The following SLC2A9 variants were observed in gnomAD, a reference collection of about 807,000 sequenced individuals.
SLC2A9 encodes the protein solute carrier family 2 member 9, also known as solute carrier family 2, facilitated glucose transporter member 9.
A neutral mutation model predicts 50.6 loss-of-function variants in SLC2A9; 39 were observed. The observed-to-expected ratio is 0.77, with a 90% CI of 0.60 to 1.01. SLC2A9 has a LOEUF of 1.01. Ranked by LOEUF, SLC2A9 falls within the 50% of genes least tolerant of loss-of-function variation. The pLI is 0.00. For synonymous variants in SLC2A9, 324 were observed against 276.9 expected, an observed-to-expected ratio of 1.17 and a Z score of -1.69; for missense variants, 686 against 677.6, an observed-to-expected ratio of 1.01 and a Z score of -0.14.
chr4:9,834,343 T>C (rs1262776350), intron 11 of SLC2A9, among the ~76,000 whole-genome samples: 1 of 152,138 alleles, frequency 6.6e-6, no homozygotes, highest in Non-Finnish European at 1.5e-5. Flanking sequence ...TCAACATATA[T>C]ATGTGTTGAA....
chr4:10,014,758 G>T (rs1056983789), intron 2 of SLC2A9, among the ~76,000 whole-genome samples: 2 of 152,190 alleles, frequency 1.3e-5, no homozygotes, highest in Non-Finnish European at 2.9e-5. Flanking sequence ...GCACCTCGAG[G>T]ACATGGATGT....
At chr4:9,827,746 G>T (rs1386744472) in intron 11 of SLC2A9, among the ~76,000 whole-genome samples, 1 of 152,198 alleles carries the variant, frequency 6.6e-6, no homozygotes, top group African/African-American at 2.4e-5. Context: ...ACCTGGGGGT[G>T]CTTAGCTCTT....
intron 3 of SLC2A9, among the ~76,000 whole-genome samples, chr4:9,784,164 C>A (rs191110325): frequency 6.6e-6 from 1 of 152,186 alleles, no homozygotes; most frequent in Non-Finnish European, 1.5e-5. Context: ...TACACCAGGG[C>A]AAAGGACCTT....
intron 5 of SLC2A9, among the ~76,000 whole-genome samples, chr4:9,954,679 C>T (rs1488873916): frequency 6.6e-6 from 1 of 152,116 alleles, no homozygotes; most frequent in Admixed American, 6.5e-5. Context: ...CCAGACAAGA[C>T]CTGCTTCCTG....
chr4:9,789,000 AG>A (rs1162317158), intron 3 of SLC2A9, among the ~76,000 whole-genome samples: 1 of 152,194 alleles, frequency 6.6e-6, no homozygotes, highest in East Asian at 1.9e-4. Flanking sequence ...TTAAAAGAAG[AG>A]CTGGGAAATG....
intron 1 of SLC2A9, among the ~76,000 whole-genome samples, chr4:10,033,306 C>G (rs938674928): frequency 2.0e-5 from 3 of 152,122 alleles, no homozygotes; most frequent in African/African-American, 7.2e-5. Flanking sequence ...CTTCCTGTCT[C>G]CATTGGAGGC....
Position 9,792,163 on chromosome 4 carries a change from CTT to C in SLC2A9, n.386-12100_386-12099del, listed in dbSNP as rs34289788. 9.6e-3 allele frequency among the ~76,000 whole-genome samples: 738 copies of C among 77,232 alleles called. 4 individuals are homozygous for C. The highest frequency in any genetic ancestry group is 0.034 in the African/African-American group (681 of 20,270). 50.7% of individuals were successfully genotyped at this position (77,232 alleles called of 152,430 possible). On this transcript the variant is annotated intron_variant and non_coding_transcript_variant, in intron 3 of 3. Coordinates refer to the SLC2A9 transcript ENST00000503803. ...AGGAGATGTTTTCTATTCTATGTTTCTTTTTTTTTTTTTTTTTTTTTTTGTGG... is the reference window on the plus strand; with the variant it reads ...AGGAGATGTTTTCTATTCTATGTTTCTTTTTTTTTTTTTTTTTTTTTGTGG...
At chr4:9,928,393 T>A (rs1400899781) in intron 6 of SLC2A9, among the ~76,000 whole-genome samples, 1 of 152,246 alleles carries the variant, frequency 6.6e-6, no homozygotes, top group Non-Finnish European at 1.5e-5. Context: ...GTGTCTGTCA[T>A]GTGGTTTGGT....
At chr4:9,811,418 CTCTCCTTTCTAACACTGCTGCTTTG>C (rs1302730026) in intron 3 of SLC2A9, among the ~76,000 whole-genome samples, 1 of 152,236 alleles carries the variant, frequency 6.6e-6, no homozygotes, top group Non-Finnish European at 1.5e-5. Context: ...TCTATTCCTG[CTCTCCTTTCTAACACTGCTGCTTTG>C]TCAGAAGTCA....
chr4:9,884,794 A>G (rs560438084), intron 10 of SLC2A9, among the ~76,000 whole-genome samples: 1 of 152,326 alleles, frequency 6.6e-6, no homozygotes, highest in South Asian at 2.1e-4. Context: ...GATAGACTGG[A>G]TAAAGAAAAT....
intron 3 of SLC2A9, 152 bp from the exon 4 acceptor site, chr4:9,985,945 C>T: frequency 5.5e-6 from 6 of 1,086,042 alleles, no homozygotes; most frequent in Non-Finnish European, 8.2e-6. Flanking sequence ...CCACCTCTGG[C>T]TGTGTGACTG....
intron 6 of SLC2A9, among the ~76,000 whole-genome samples, chr4:9,925,343 T>G (rs13129697): frequency 0.39 from 59,600 of 152,050 alleles, 13,167 homozygotes; most frequent in African/African-American, 0.58. Flanking sequence ...GTCTCTCTTG[T>G]GCACTTTCAC....
At position 9,834,984 on chromosome 4, in the gene SLC2A9, C is replaced by T. The variant is rs1021974672; in HGVS notation, c.1316G>A (p.Gly439Asp). 1.9e-6 allele frequency: 3 copies of T among 1,613,738 alleles called. No individual in the cohort carries two copies. The highest frequency in any genetic ancestry group is 3.5e-4 in the Middle Eastern group (2 of 5,782). Reference sequence around the variant, plus strand: ...CCGCTGAGATTGCTGGAAGAACTCACCAGTCAAGATGAACGGGATGCCACC... The same window carrying T: ...CCGCTGAGATTGCTGGAAGAACTCATCAGTCAAGATGAACGGGATGCCACC... ...GPGGIPFILT[G>D]EFFQQSQRPA... Residue 439 changes from glycine (G) to aspartate (D), a missense_variant, in exon 11 of 12, where the codon GGT (glycine) becomes GAT (aspartate). Coordinates refer to ENST00000264784, the MANE Select transcript of SLC2A9 (RefSeq NM_020041.3).
At chr4:9,864,132 G>T (rs1732075958) in intron 10 of SLC2A9, among the ~76,000 whole-genome samples, 1 of 152,014 alleles carries the variant, frequency 6.6e-6, no homozygotes, top group African/African-American at 2.4e-5. Flanking sequence ...GGACTTGTCT[G>T]CCCCTTTCTT....
downstream of SLC2A9, among the ~76,000 whole-genome samples, chr4:9,776,247 G>T (rs1008313276): frequency 1.1e-4 from 17 of 149,336 alleles, no homozygotes; most frequent in Admixed American, 4.0e-4. Flanking sequence ...ACACCCAAAA[G>T]CACAATAATT....
intron 3 of SLC2A9, among the ~76,000 whole-genome samples, chr4:9,800,100 G>A (rs536694672): frequency 2.6e-5 from 4 of 152,146 alleles, no homozygotes; most frequent in Non-Finnish European, 5.9e-5. Flanking sequence ...AGAGGGTCCA[G>A]GACTTCTGGA....
At chr4:10,030,667 C>T (rs894820500) in intron 1 of SLC2A9, among the ~76,000 whole-genome samples, 5 of 152,274 alleles carry the variant, frequency 3.3e-5, no homozygotes, top group Middle Eastern at 3.4e-3. Context: ...AAAACAAAAA[C>T]GTGCTCATCC....
chr4:9,901,090 C>G (rs774920228), intron 8 of SLC2A9, among the ~76,000 whole-genome samples: 9 of 152,174 alleles, frequency 5.9e-5, no homozygotes, highest in Non-Finnish European at 1.3e-4. Flanking sequence ...GCCATTTAGC[C>G]TGAGTTTTAA....
At chr4:9,791,618 G>A (rs1013054776) in intron 3 of SLC2A9, among the ~76,000 whole-genome samples, 13 of 152,184 alleles carry the variant, frequency 8.5e-5, no homozygotes, top group South Asian at 2.1e-4. Context: ...CAGCAGTCAC[G>A]TTGTGGGTGT....
Sources: gnomAD v4.1 joint callset for allele counts (sites outside exome capture counted in the v4.1 genomes callset) on GRCh38, gnomAD v4.1.1 for gene constraint, MANE v1.5 for transcripts, NCBI Gene and HGNC (gene_info 2026-07-23, HGNC 2026-07-21) for gene names.